Variants in RPGR observed in about 807,000 individuals in gnomAD.
RPGR encodes the protein X-linked retinitis pigmentosa GTPase regulator.
In RPGR, 10 loss-of-function variants were observed where a neutral mutation model predicts 56.3. The observed-to-expected ratio is 0.18, with a 90% confidence interval of 0.11 to 0.30. The LOEUF is 0.30. Among genes scored for constraint, RPGR ranks in the 10% least tolerant of loss-of-function variants. RPGR has a pLI of 1.00. For synonymous variants in RPGR, 197 were observed against 212.9 expected (o/e 0.93, Z 0.65); for missense variants, 538 against 590.9 (o/e 0.91, Z 0.93).
chrX:38,320,885 G>A (rs1477272554), intron 4 of RPGR, 142 bp downstream of exon 4: 5 of 510,457 alleles, frequency 9.8e-6, no homozygotes, highest in African/African-American at 9.5e-5. Context: ...AGGCAAACGT[G>A]TACTAGCCAT....
intron 16 of RPGR, among the ~76,000 whole-genome samples, chrX:38,275,896 C>T (rs954753551): frequency 3.6e-5 from 4 of 111,756 alleles, no homozygotes; most frequent in Non-Finnish European, 5.6e-5. Flanking sequence ...ATCAGTACAA[C>T]GTCATTCACT....
At chrX:38,296,358 T>C (rs1041107014) in intron 11 of RPGR, among the ~76,000 whole-genome samples, 3 of 111,576 alleles carry the variant, frequency 2.7e-5, no homozygotes, top group African/African-American at 9.8e-5. Context: ...AATATATGTG[T>C]CATTGGAACA....
In RPGR at chrX:38,291,021, G is replaced by A; in HGVS notation, c.1510C>T (p.His504Tyr). The A allele has an allele frequency of 2.0e-6, 2 of 977,899 alleles. No homozygotes were observed. Among genetic ancestry groups the A allele is most frequent in the Non-Finnish European group, 2.8e-6 (2 of 720,472 alleles). The allele number at this position is 977,899 out of a possible 1,213,427, so 80.6% of individuals were successfully genotyped here. ...TCATTGGAATTCAGGCTCATGATGT[G>A]TGTCTGAAATAAATAAAAAATATAT... Residue 504 changes from histidine to tyrosine, a missense_variant, in exon 13 of 19, where the codon CAC (histidine) becomes TAC (tyrosine). Physicochemically the swap from His to Tyr is moderately conservative, Grantham distance 83. Coordinates refer to ENST00000642395, the MANE Select transcript of RPGR (RefSeq NM_000328.3).
chrX:38,325,874 C>T (rs1460800563), intron 1 of RPGR: 1 of 112,296 alleles, frequency 8.9e-6, no homozygotes, highest in Non-Finnish European at 1.9e-5. Context: ...CACACACATA[C>T]ACCAAATAGT....
Position 38,298,975 on chromosome X carries a change from C to T in RPGR, c.1226G>A (p.Arg409His), listed in dbSNP as rs746041459. 6 of 1,211,668 alleles carry T rather than the reference C, an allele frequency of 5.0e-6. No individual in the cohort carries two copies. In the South Asian group the frequency reaches 5.3e-5, roughly 11 times the overall value. The stretch of plus-strand genomic sequence containing the variant: ...TTGTACCCTCTCTCTTCGCCGCATA[C>T]GTGCTGATAGAGTCCTCTGCAGTAC... Residue 409 changes from arginine to histidine, a missense_variant, in exon 10 of 19, where the codon CGT becomes CAT. Transcript: ENST00000642395.
At position 38,318,933 on chromosome X, in the gene RPGR, C is replaced by T; in HGVS notation, c.365G>A (p.Gly122Asp). Residue 122 changes from glycine (G) to aspartate (D), a missense_variant, in exon 5 of 19, where the codon GGT (glycine) becomes GAT (aspartate). By Grantham distance (94) the Gly-to-Asp change is moderately conservative (BLOSUM62 -1). Coordinates refer to ENST00000642395, the MANE Select transcript of RPGR (RefSeq NM_000328.3). Reference sequence around the variant, plus strand: ...AAAAGTGTTTCTTTCTTCGGTGTCACCAAGCCCCAACTGTCCTTCATTATT... The same window carrying T: ...AAAAGTGTTTCTTTCTTCGGTGTCATCAAGCCCCAACTGTCCTTCATTATT... 8.3e-7 allele frequency: 1 copy of T among 1,211,966 alleles called. No homozygotes were observed. The highest frequency in any genetic ancestry group is 1.1e-6 in the Non-Finnish European group (1 of 895,483).
intron 11 of RPGR, 147 bp downstream of exon 11, chrX:38,297,137 C>T (rs1208624187): frequency 5.8e-5 from 34 of 590,503 alleles, no homozygotes; most frequent in Non-Finnish European, 7.7e-5. Context: ...AGGATATTCC[C>T]GGATTTGAGT....
rs757758663 is a variant in RPGR at position 38,324,957 on chromosome X, G to A, written c.29-1433C>T. On this transcript the variant is annotated intron_variant, in intron 1 of 18. Transcript: ENST00000642395. ...GGCCGAGGCAGGTGGATCATTTGAG[G>A]TCAGGAGTTCGAGACCAGCCTGGCC... 3.5e-3 allele frequency among the ~76,000 whole-genome samples: 376 copies of A among 106,672 alleles called. 1 individual carries two copies. Among genetic ancestry groups the A allele is most frequent in the African/African-American group, 0.012 (360 of 29,262 alleles). The allele number at this position is 106,672 out of a possible 115,157, so 92.6% of individuals were successfully genotyped here.
At chrX:38,297,911 T>C (rs78351092) in intron 10 of RPGR, among the ~76,000 whole-genome samples, 6,951 of 111,840 alleles carry the variant, frequency 0.062, 264 homozygotes, top group South Asian at 0.14. Flanking sequence ...TTGAAACTTA[T>C]AGTAATTTTC....
chrX:38,310,378 T>C (rs2067690203), intron 7 of RPGR, among the ~76,000 whole-genome samples: 1 of 110,752 alleles, frequency 9.0e-6, no homozygotes, highest in African/African-American at 3.3e-5. Context: ...GAAAGACGAG[T>C]TGCCGTACAG....
At chrX:38,302,711 G>A (rs963259170) in intron 8 of RPGR, 7 of 110,716 alleles carry the variant, frequency 6.3e-5, no homozygotes, top group African/African-American at 2.3e-4. Context: ...ATTCAGTAAG[G>A]TGGCAAGTAT....
intron 6 of RPGR, among the ~76,000 whole-genome samples, chrX:38,315,929 A>T (rs2067819562): frequency 9.1e-6 from 1 of 109,324 alleles, no homozygotes; most frequent in South Asian, 3.9e-4. Flanking sequence ...TTAAAAATTA[A>T]AAATAATCCA....
intron 15 of RPGR, among the ~76,000 whole-genome samples, chrX:38,277,480 T>G (rs1479433544): frequency 2.7e-5 from 3 of 111,528 alleles, no homozygotes; most frequent in Non-Finnish European, 5.7e-5. Flanking sequence ...TTCTTTTTTT[T>G]TTTTAACTTT....
Position 38,317,307 on chromosome X carries a change from G to C in RPGR, c.619+9C>G. 1.7e-6 allele frequency: 2 copies of C among 1,205,965 alleles called. No homozygotes were observed. The highest frequency in any genetic ancestry group is 3.5e-5 in the South Asian group (2 of 56,786). On this transcript the variant is annotated intron_variant, in intron 6 of 18. Coordinates refer to ENST00000642395, the MANE Select transcript of RPGR (RefSeq NM_000328.3). The stretch of plus-strand genomic sequence containing the variant: ...GGAGATAACATGATGACTTCAAAAT[G>C]TGTCTTACTTGTTACAAAAGCTGAA...
At chrX:38,314,285 A>G (rs2067776600) in intron 6 of RPGR, among the ~76,000 whole-genome samples, 2 of 111,761 alleles carry the variant, frequency 1.8e-5, no homozygotes, top group African/African-American at 6.5e-5. Flanking sequence ...TCTTATTTAT[A>G]TATAAAAAAT....
At chrX:38,285,672 A>C (rs2067114180) in intron 15 of RPGR, 1 of 1,209,088 alleles carries the variant, frequency 8.3e-7, no homozygotes, top group Admixed American at 2.2e-5. Flanking sequence ...CCTGTGTGTT[A>C]GTAACTGACT....
intron 15 of RPGR, among the ~76,000 whole-genome samples, chrX:38,279,794 T>A (rs2066998148): frequency 9.0e-6 from 1 of 110,861 alleles, no homozygotes; most frequent in Non-Finnish European, 1.9e-5. Flanking sequence ...TAATTCAGAA[T>A]TTCTGACATG....
intron 6 of RPGR, among the ~76,000 whole-genome samples, chrX:38,311,947 C>T (rs1247718251): frequency 8.9e-6 from 1 of 112,142 alleles, no homozygotes; most frequent in East Asian, 2.8e-4. Flanking sequence ...TCTCTGGACT[C>T]CACTGCAGAT....
intron 6 of RPGR, among the ~76,000 whole-genome samples, chrX:38,314,496 T>C (rs989498502): frequency 6.3e-5 from 7 of 111,361 alleles, no homozygotes; most frequent in Non-Finnish European, 1.3e-4. Flanking sequence ...CACAAATTCC[T>C]GCCCCCAGTT....
Sources: gnomAD v4.1 joint callset for allele counts (sites outside exome capture counted in the v4.1 genomes callset) on GRCh38, gnomAD v4.1.1 for gene constraint, MANE v1.5 for transcripts, NCBI Gene and HGNC (gene_info 2026-07-23, HGNC 2026-07-21) for gene names.